Variants in MYH4 observed in about 807,000 individuals in gnomAD.
MYH4 encodes myosin heavy chain 4, also known as myosin-4.
Under a neutral mutation model 229.9 loss-of-function variants are expected in MYH4, and 200 were observed. That is an observed-to-expected ratio of 0.87 (90% CI 0.78 to 0.98). The LOEUF (loss-of-function observed/expected upper bound fraction) is 0.98. Ranked by LOEUF, MYH4 falls within the 50% of genes least tolerant of loss-of-function variation. MYH4 has a pLI of 0.00. For synonymous variants in MYH4, 761 were observed against 834.6 expected, an observed-to-expected ratio of 0.91 and a Z score of 1.52; for missense variants, 2,148 against 2,332.6, an observed-to-expected ratio of 0.92 and a Z score of 1.63.
At chr17:10,467,079 A>T (rs111847960) in intron 2 of MYH4, among the ~76,000 whole-genome samples, 1 of 152,208 alleles carries the variant, frequency 6.6e-6, no homozygotes, top group Admixed American at 6.5e-5. Flanking sequence ...TGATGCTCCA[A>T]GCATGTTCAG....
At chr17:10,453,556 T>C (rs1168714705) in intron 23 of MYH4, 87 bp downstream of exon 23, 1 of 1,594,354 alleles carries the variant, frequency 6.3e-7, no homozygotes, top group Non-Finnish European at 8.6e-7. Flanking sequence ...ATTTTTTATA[T>C]TCAATCATCT....
At chr17:10,449,940 A>T (rs555934561) in intron 30 of MYH4, among the ~76,000 whole-genome samples, 3 of 152,296 alleles carry the variant, frequency 2.0e-5, no homozygotes, top group Admixed American at 2.0e-4. Context: ...CTATGTGTAA[A>T]TCTGTAAATC....
At position 10,466,333 on chromosome 17, in the gene MYH4, G is replaced by A. The variant is rs1285526025; in HGVS notation, c.288C>T (p.His96=). 16 of 1,614,184 alleles carry A rather than the reference G, an allele frequency of 9.9e-6. No individual in the cohort carries two copies. The highest frequency in any genetic ancestry group is 1.3e-5 in the Non-Finnish European group (15 of 1,180,030). The part of the protein sequence containing the change: ...DKIEDMAMMT[H]LHEPAVLYNL... ...TATACAGCACAGCAGGCTCATGCAG[G>A]TGAGTCATCATGGCCATGTCCTCGA... The change falls in exon 4 of 40, where the codon CAC becomes CAT. Residue 96 remains histidine, a synonymous_variant. Coordinates refer to ENST00000255381, the MANE Select transcript of MYH4 (RefSeq NM_017533.2).
At chr17:10,447,307 T>TA (rs932581448) in intron 34 of MYH4, 91 bp from the exon 35 acceptor site, 2 of 1,132,224 alleles carry the variant, frequency 1.8e-6, no homozygotes, top group African/African-American at 3.1e-5. Flanking sequence ...CTTAATGACT[T>TA]AGAGTATGAT....
In MYH4 at chr17:10,465,500, C is replaced by T; in HGVS notation, c.447G>A (p.Gln149=). ...TGGAGAAGATATGGGGTGGGGCCTCCTGGCGCTTTTTGCCTCGGTAGGCTG... is the reference window on the plus strand; with the variant it reads ...TGGAGAAGATATGGGGTGGGGCCTCTTGGCGCTTTTTGCCTCGGTAGGCTG... ...VVTAYRGKKR[Q]EAPPHIFSIS... is the part of the protein sequence containing the mutation. Residue 149 remains glutamine, a synonymous_variant, in exon 5 of 40, where the codon CAG becomes CAA. Transcript: ENST00000255381. 9.9e-6 allele frequency: 16 copies of T among 1,614,130 alleles called. No homozygotes were observed. Among genetic ancestry groups the T allele is most frequent in the Non-Finnish European group, 1.4e-5 (16 of 1,180,022 alleles).
In MYH4 at chr17:10,450,658, A is replaced by G; in HGVS notation, c.3985-9T>C. 2 of 1,613,652 alleles carry G rather than the reference A, an allele frequency of 1.2e-6. No individual in the cohort carries two copies. Among genetic ancestry groups the G allele is most frequent in the Non-Finnish European group, 1.7e-6 (2 of 1,179,736 alleles). ...GCCAGAGTGCTCTTGGCCTAGACCA[A>G]CCAAAAACTATGTGATATAAGTTTA... On this transcript the variant is annotated splice_polypyrimidine_tract_variant and intron_variant, in intron 29 of 39. Transcript: ENST00000255381.
chr17:10,465,355 A>G (rs1291432671), intron 5 of MYH4, 87 bp downstream of exon 5: 1 of 1,488,250 alleles, frequency 6.7e-7, no homozygotes, highest in Non-Finnish European at 9.3e-7. Flanking sequence ...CTGAACAGTT[A>G]TTCTCAGAAT....
In MYH4 at chr17:10,452,946, G is replaced by A; in HGVS notation, c.3112-14C>T. 1 of 1,600,342 alleles carries A rather than the reference G, an allele frequency of 6.2e-7. No homozygotes were observed. The highest frequency in any genetic ancestry group is 8.5e-7 in the Non-Finnish European group (1 of 1,177,114). On this transcript the variant is annotated splice_polypyrimidine_tract_variant and intron_variant, in intron 24 of 39. Coordinates refer to ENST00000255381, the MANE Select transcript of MYH4 (RefSeq NM_017533.2). The stretch of plus-strand genomic sequence containing the variant: ...AGATCCTTCAAGCTAAATTTATGAT[G>A]CATTTTATTTATTTCAGCTCTTAAG...
chr17:10,460,120 T>A lies in MYH4; in HGVS notation c.1267-19A>T. 1 of 1,614,114 alleles carries A rather than the reference T, an allele frequency of 6.2e-7. No individual in the cohort carries two copies. Among genetic ancestry groups the A allele is most frequent in the Non-Finnish European group, 8.5e-7 (1 of 1,179,954 alleles). ...TGTACACCTTCAACAGAAGTGATAGTTTAGTTTTTTAAATTGAAAACAGTG... is the reference window on the plus strand; with the variant it reads ...TGTACACCTTCAACAGAAGTGATAGATTAGTTTTTTAAATTGAAAACAGTG... On this transcript the variant is annotated intron_variant, in intron 13 of 39. Coordinates refer to ENST00000255381, the MANE Select transcript of MYH4 (RefSeq NM_017533.2).
rs766165386 is a variant in MYH4, at chr17:10,450,579, T to C, written c.4055A>G (p.Glu1352Gly). 6.2e-7 allele frequency: 1 copy of C among 1,614,162 alleles called. No individual in the cohort carries two copies. The highest frequency in any genetic ancestry group is 8.5e-7 in the Non-Finnish European group (1 of 1,180,022). ...CTCAGCCTTGGCTTCCTGCTCCTCC[T>C]CATACTGTTCCCGCAGCAGGTCACA... ...HDCDLLREQY[E>G]EEQEAKAELQ... Residue 1352 changes from glutamate to glycine, a missense_variant, in exon 30 of 40, where the codon GAG becomes GGG. Physicochemically the swap from Glu to Gly is moderately conservative, Grantham distance 98 (BLOSUM62 -2). Transcript: ENST00000255381.
At position 10,452,429 on chromosome 17, in the gene MYH4, A is replaced by C. The variant is rs144235311; in HGVS notation, c.3335T>G (p.Ile1112Ser). 9 of 1,613,916 alleles carry C rather than the reference A, an allele frequency of 5.6e-6. No individual in the cohort carries two copies. In the African/African-American group the frequency reaches 1.2e-4, roughly 22 times the overall value. Reference sequence around the variant, plus strand: ...GTTATAACTTACCTGTAATTCTTTGATCTTCTTTTGTAGCTGTATTGCAAG... The same window carrying C: ...GTTATAACTTACCTGTAATTCTTTGCTCTTCTTTTGTAGCTGTATTGCAAG... Reference protein sequence around the residue: ...QALAIQLQKKIKELQARIEEL... With the variant: ...QALAIQLQKKSKELQARIEEL... The change falls in exon 26 of 40, where the codon ATC becomes AGC. Residue 1112 changes from isoleucine (I) to serine (S), a missense_variant. Ile to Ser is a moderately radical substitution (Grantham distance 142). Transcript: ENST00000255381.
chr17:10,452,988 A>T, intron 24 of MYH4, 56 bp from the exon 25 acceptor site: 1 of 1,590,822 alleles, frequency 6.3e-7, no homozygotes, highest in Non-Finnish European at 8.5e-7. Context: ...ACCCTATGCT[A>T]GTAGCCTTCA....
At position 10,455,026 on chromosome 17, in the gene MYH4, T is replaced by G. The variant is rs1158318566; in HGVS notation, c.2350A>C (p.Lys784Gln). The G allele has an allele frequency of 1.9e-6, 3 of 1,614,078 alleles. No individual in the cohort carries two copies. The highest frequency in any genetic ancestry group is 2.7e-5 in the African/African-American group (2 of 74,926). The change falls in exon 21 of 40, where the codon AAG becomes CAG. Residue 784 changes from lysine (K) to glutamine (Q), a missense_variant. By Grantham distance (53) the Lys-to-Gln change is moderately conservative. Transcript: ENST00000255381. Reference sequence around the variant, plus strand: ...GTGCGCGTGATGAGTTGAGCTAGCTTTTCATCTCGCATTTCCTCTAGAGTT... The same window carrying G: ...GTGCGCGTGATGAGTTGAGCTAGCTGTTCATCTCGCATTTCCTCTAGAGTT... ...LGTLEEMRDEKLAQLITRTQA... is the reference protein window; with the variant it reads ...LGTLEEMRDEQLAQLITRTQA...
intron 12 of MYH4, among the ~76,000 whole-genome samples, chr17:10,460,526 T>C (rs2072689473): frequency 6.6e-6 from 1 of 152,106 alleles, no homozygotes; most frequent in Non-Finnish European, 1.5e-5. Context: ...AAATTGGAGG[T>C]TGGGGAATCG....
chr17:10,450,304 A>C, intron 30 of MYH4, 149 bp downstream of exon 30: 1 of 1,300,890 alleles, frequency 7.7e-7, no homozygotes, highest in Non-Finnish European at 1.1e-6. Context: ...GGCTTTAAGA[A>C]GAAGAATATG....
intron 15 of MYH4, 72 bp from the exon 16 acceptor site, chr17:10,457,801 A>G: frequency 6.7e-7 from 1 of 1,502,892 alleles, no homozygotes; most frequent in Non-Finnish European, 8.9e-7. Context: ...TTGATGGAAA[A>G]CTGAAAATAC....
rs776412551 is a variant in MYH4, at chr17:10,463,395, A to G, written c.748T>C (p.Phe250Leu). 23 of 1,612,468 alleles carry G rather than the reference A, an allele frequency of 1.4e-5. No individual in the cohort carries two copies. The highest frequency in any genetic ancestry group is 3.3e-5 in the Admixed American group (2 of 59,814). Residue 250 changes from phenylalanine to leucine, a missense_variant, in exon 9 of 40, where the codon TTC becomes CTC. Coordinates refer to ENST00000255381, the MANE Select transcript of MYH4 (RefSeq NM_017533.2). ...GTGGCACCAAAATGGATCCTGATGA[A>G]TTTACCCTTAAAAAAGAAAAGGAGG... ...RNDNSSRFGK[F>L]IRIHFGATGK...
chr17:10,456,775 G>A (rs1350803685), intron 16 of MYH4, among the ~76,000 whole-genome samples: 1 of 152,166 alleles, frequency 6.6e-6, no homozygotes, highest in African/African-American at 2.4e-5. Flanking sequence ...AACAACAAAA[G>A]AATTGTGAGT....
chr17:10,451,657 T>C (rs2058101), intron 27 of MYH4, among the ~76,000 whole-genome samples: 54,142 of 152,042 alleles, frequency 0.36, 10,778 homozygotes, highest in East Asian at 0.82. Context: ...TCTTTGAAAG[T>C]GTGAACATCA....
Sources: gnomAD v4.1 joint callset for allele counts (sites outside exome capture counted in the v4.1 genomes callset) on GRCh38, gnomAD v4.1.1 for gene constraint, MANE v1.5 for transcripts, NCBI Gene and HGNC (gene_info 2026-07-23, HGNC 2026-07-21) for gene names.